The following ATRNL1 variants were observed in gnomAD, a reference collection of about 807,000 sequenced individuals.
ATRNL1 encodes the protein attractin-like protein 1.
ATRNL1 carries 95 observed loss-of-function variants against 182.7 expected under a neutral mutation model. The ratio of observed to expected loss-of-function variants is 0.52; its 90% CI spans 0.44 to 0.62. The LOEUF (loss-of-function observed/expected upper bound fraction) is 0.62. Among genes scored for constraint, ATRNL1 ranks in the 20% least tolerant of loss-of-function variants. The pLI is 0.00. For synonymous variants in ATRNL1, 576 were observed against 568.3 expected, an observed-to-expected ratio of 1.01 and a Z score of -0.19; for missense variants, 1,471 against 1,679.5, an observed-to-expected ratio of 0.88 and a Z score of 2.17.
intron 11 of ATRNL1, among the ~76,000 whole-genome samples, chr10:115,266,581 T>C (rs1554910761): frequency 6.6e-6 from 1 of 151,712 alleles, no homozygotes; most frequent in Non-Finnish European, 1.5e-5. Context: ...TATTTCATAT[T>C]TTGTCTGGAA....
chr10:115,903,826 C>T (rs1952424608), intron 28 of ATRNL1, among the ~76,000 whole-genome samples: 1 of 152,030 alleles, frequency 6.6e-6, no homozygotes, highest in Non-Finnish European at 1.5e-5. Context: ...AAGGAGAAGG[C>T]AGTGGCAAGG....
intron 28 of ATRNL1, among the ~76,000 whole-genome samples, chr10:115,865,586 A>G (rs1179080508): frequency 8.5e-5 from 13 of 152,172 alleles, no homozygotes; most frequent in Admixed American, 8.5e-4. Flanking sequence ...TGAACATAAC[A>G]TAGTATAGCC....
intron 26 of ATRNL1, among the ~76,000 whole-genome samples, chr10:115,558,747 G>A (rs1008473941): frequency 1.3e-5 from 2 of 151,976 alleles, no homozygotes; most frequent in African/African-American, 4.8e-5. Flanking sequence ...GCTCAAATTG[G>A]CCTTAAGTTC....
intron 27 of ATRNL1, among the ~76,000 whole-genome samples, chr10:115,801,852 TC>T (rs1399405552): frequency 6.6e-6 from 1 of 152,122 alleles, no homozygotes; most frequent in Admixed American, 6.5e-5. Flanking sequence ...ACAGTTAGCA[TC>T]AGATGAATGT....
At chr10:115,128,942 G>C (rs1369950504) in intron 4 of ATRNL1, among the ~76,000 whole-genome samples, 1 of 151,254 alleles carries the variant, frequency 6.6e-6, no homozygotes, top group Non-Finnish European at 1.5e-5. Context: ...GTTATATCTT[G>C]ACTTCTCATA....
intron 25 of ATRNL1, among the ~76,000 whole-genome samples, chr10:115,534,295 G>A (rs1434905651): frequency 1.3e-5 from 2 of 151,688 alleles, no homozygotes; most frequent in African/African-American, 4.8e-5. Flanking sequence ...CTCCTGTATT[G>A]GGTGCATATA....
chr10:115,851,574 C>T (rs1211551095), intron 28 of ATRNL1, among the ~76,000 whole-genome samples: 1 of 152,118 alleles, frequency 6.6e-6, no homozygotes, highest in African/African-American at 2.4e-5. Flanking sequence ...ATGCACTAAT[C>T]TCTTTTTAAT....
At chr10:115,642,044 C>T (rs546693144) in intron 26 of ATRNL1, among the ~76,000 whole-genome samples, 1 of 152,116 alleles carries the variant, frequency 6.6e-6, no homozygotes, top group East Asian at 1.9e-4. Flanking sequence ...AGAGTTATTA[C>T]TATATATGTG....
intron 15 of ATRNL1, among the ~76,000 whole-genome samples, chr10:115,298,036 T>C (rs1554923269): frequency 3.9e-5 from 6 of 152,152 alleles, no homozygotes; most frequent in Non-Finnish European, 8.8e-5. Context: ...GCATGCCCTG[T>C]AAATGAAGAA....
chr10:115,694,418 A>C (rs1946488816), intron 26 of ATRNL1, among the ~76,000 whole-genome samples: 2 of 152,290 alleles, frequency 1.3e-5, no homozygotes, highest in Non-Finnish European at 2.9e-5. Flanking sequence ...TAATGTGGAT[A>C]AGTTCTTTGG....
At chr10:115,938,341 T>G (rs1304216220) in intron 28 of ATRNL1, among the ~76,000 whole-genome samples, 5 of 152,250 alleles carry the variant, frequency 3.3e-5, no homozygotes, top group African/African-American at 1.2e-4. Flanking sequence ...CATTGCAAAT[T>G]TAGTGGTTTA....
At chr10:115,133,608 A>G (rs1316225050) in intron 5 of ATRNL1, among the ~76,000 whole-genome samples, 1 of 152,152 alleles carries the variant, frequency 6.6e-6, no homozygotes, top group Non-Finnish European at 1.5e-5. Flanking sequence ...GGGAGACTTT[A>G]ACACCCCACT....
intron 8 of ATRNL1, among the ~76,000 whole-genome samples, chr10:115,199,795 A>C (rs1436108922): frequency 2.0e-5 from 3 of 152,142 alleles, no homozygotes; most frequent in African/African-American, 7.2e-5. Context: ...CTTTTTCAGT[A>C]AACTATTTTC....
At chr10:115,118,428 G>T (rs1844585999) in intron 1 of ATRNL1, among the ~76,000 whole-genome samples, 1 of 152,090 alleles carries the variant, frequency 6.6e-6, no homozygotes, top group South Asian at 2.1e-4. Context: ...AGAGTACCAT[G>T]TATCTTCTGT....
chr10:115,738,760 G>T (rs1286340649), intron 27 of ATRNL1, among the ~76,000 whole-genome samples: 1 of 151,976 alleles, frequency 6.6e-6, no homozygotes, highest in African/African-American at 2.4e-5. Flanking sequence ...TATTAAAAAG[G>T]TATGAATATA....
chr10:115,725,137 A>T (rs1309621460), intron 26 of ATRNL1, among the ~76,000 whole-genome samples: 1 of 152,200 alleles, frequency 6.6e-6, no homozygotes, highest in Non-Finnish European at 1.5e-5. Flanking sequence ...GGCAAGAAGA[A>T]TATTTTTCTT....
intron 26 of ATRNL1, among the ~76,000 whole-genome samples, chr10:115,602,532 G>A (rs1555016250): frequency 1.2e-4 from 19 of 152,040 alleles, no homozygotes; most frequent in Non-Finnish European, 1.5e-5. Context: ...ACGCTACAAG[G>A]TTAGAGGCTC....
chr10:115,484,844 A>G (rs1286493846), intron 24 of ATRNL1, among the ~76,000 whole-genome samples: 1 of 151,940 alleles, frequency 6.6e-6, no homozygotes, highest in Non-Finnish European at 1.5e-5. Context: ...TATGCTAATT[A>G]TGTGGGGGAG....
At chr10:115,527,962 C>T (rs1191765843) in intron 25 of ATRNL1, among the ~76,000 whole-genome samples, 12 of 72,498 alleles carry the variant, frequency 1.7e-4, no homozygotes, top group Non-Finnish European at 2.3e-4. Context: ...CTTTCCTTCC[C>T]TCCCTCCCTC....
Sources: gnomAD v4.1 joint callset for allele counts (sites outside exome capture counted in the v4.1 genomes callset) on GRCh38, gnomAD v4.1.1 for gene constraint, MANE v1.5 for transcripts, NCBI Gene and HGNC (gene_info 2026-07-23, HGNC 2026-07-21) for gene names.